The following SH3D19 variants were observed in gnomAD, a reference collection of about 807,000 sequenced individuals.
The protein encoded by SH3D19 is SH3 domain containing 19.
In SH3D19, 58 loss-of-function variants were observed where a neutral mutation model predicts 112.1. The ratio of observed to expected loss-of-function variants is 0.52; its 90% CI spans 0.42 to 0.64. The LOEUF (loss-of-function observed/expected upper bound fraction) is 0.64. Ranked by LOEUF, SH3D19 falls within the 30% of genes least tolerant of loss-of-function variation. The probability of loss-of-function intolerance (pLI) is 0.00; values close to 1 mark genes in which losing one functional copy is unlikely to be tolerated. For missense variants in SH3D19, 1,090 were observed against 1,263.4 expected, an observed-to-expected ratio of 0.86 and a Z score of 2.08; for synonymous variants, 391 against 448.5, an observed-to-expected ratio of 0.87 and a Z score of 1.62.
chr4:151,247,511 T>C (rs115278367), intron 1 of SH3D19, among the ~76,000 whole-genome samples: 1 of 152,344 alleles, frequency 6.6e-6, no homozygotes, highest in African/African-American at 2.4e-5. Context: ...GATTCTTACA[T>C]ATAATTTATA....
At chr4:151,131,900 C>G (rs1750808465) in intron 17 of SH3D19, among the ~76,000 whole-genome samples, 1 of 152,160 alleles carries the variant, frequency 6.6e-6, no homozygotes, top group South Asian at 2.1e-4. Context: ...TCTTGGCTCA[C>G]TGCAACCTCC....
chr4:151,276,025 T>C (rs940272229), intron 1 of SH3D19, among the ~76,000 whole-genome samples: 1 of 151,972 alleles, frequency 6.6e-6, no homozygotes, highest in South Asian at 2.1e-4. Context: ...GTATTTTTAG[T>C]AGAGACGGGA....
chr4:151,280,044 A>AG, intron 1 of SH3D19: 1 of 763,236 alleles, frequency 1.3e-6, no homozygotes. Flanking sequence ...GACAAATGAA[A>AG]GTGGTAAAAT....
intron 2 of SH3D19, among the ~76,000 whole-genome samples, chr4:151,194,620 T>C (rs1002038018): frequency 2.0e-5 from 3 of 151,472 alleles, no homozygotes; most frequent in African/African-American, 7.3e-5. Context: ...TTCACCATGT[T>C]GGCCAGGCTG....
intron 1 of SH3D19, among the ~76,000 whole-genome samples, chr4:151,239,561 T>G (rs1270345028): frequency 1.3e-5 from 2 of 152,162 alleles, no homozygotes; most frequent in Admixed American, 1.3e-4. Context: ...ATTCATGTAA[T>G]GAAAAATGTA....
At chr4:151,215,032 G>A (rs1039884878) in intron 2 of SH3D19, among the ~76,000 whole-genome samples, 2 of 146,144 alleles carry the variant, frequency 1.4e-5, no homozygotes, top group Non-Finnish European at 3.0e-5. Context: ...CATCCCAGAC[G>A]GGGCGGCGGG....
At chr4:151,267,085 G>A (rs941378182) in intron 1 of SH3D19, among the ~76,000 whole-genome samples, 2 of 151,654 alleles carry the variant, frequency 1.3e-5, no homozygotes, top group South Asian at 2.1e-4. Flanking sequence ...TCTGGAGGCC[G>A]AGGTGGAAGG....
intron 1 of SH3D19, among the ~76,000 whole-genome samples, chr4:151,265,318 G>A (rs1286844693): frequency 1.3e-5 from 2 of 149,472 alleles, no homozygotes; most frequent in African/African-American, 2.5e-5. Context: ...CAAAAGAAAA[G>A]GTAAACTCAC....
intron 2 of SH3D19, among the ~76,000 whole-genome samples, chr4:151,196,085 G>A (rs1763420965): frequency 6.6e-6 from 1 of 152,168 alleles, no homozygotes; most frequent in South Asian, 2.1e-4. Context: ...ACTGGCAGGG[G>A]ACACTGCCTG....
At chr4:151,185,622 C>T (rs1580022772) in intron 3 of SH3D19, among the ~76,000 whole-genome samples, 1 of 152,194 alleles carries the variant, frequency 6.6e-6, no homozygotes. Flanking sequence ...CCATAGCATT[C>T]CCACATATTT....
At chr4:151,231,096 T>C (rs1355811002) in intron 1 of SH3D19, among the ~76,000 whole-genome samples, 1 of 152,176 alleles carries the variant, frequency 6.6e-6, no homozygotes, top group Non-Finnish European at 1.5e-5. Context: ...GAAAACAAAT[T>C]ATTTGCAGCA....
intron 3 of SH3D19, among the ~76,000 whole-genome samples, chr4:151,185,953 T>C (rs1761703953): frequency 1.3e-5 from 2 of 152,156 alleles, no homozygotes; most frequent in African/African-American, 4.8e-5. Context: ...GGCAGGAGAA[T>C]TGCTTGAGCC....
At chr4:151,132,047 C>T (rs989869616) in intron 17 of SH3D19, among the ~76,000 whole-genome samples, 5 of 151,876 alleles carry the variant, frequency 3.3e-5, no homozygotes, top group African/African-American at 1.2e-4. Context: ...TGGTCTCGAA[C>T]TCCTAACCTC....
intron 2 of SH3D19, among the ~76,000 whole-genome samples, chr4:151,212,999 T>A (rs1018811348): frequency 3.3e-5 from 5 of 152,174 alleles, no homozygotes; most frequent in African/African-American, 9.6e-5. Flanking sequence ...AGGAAGTAAC[T>A]GCAGATATAG....
In SH3D19 at chr4:151,315,627, T is replaced by C. The variant is rs1251423188; in HGVS notation, c.112+9614A>G. On this transcript the variant is annotated intron_variant, in intron 1 of 19. Coordinates refer to ENST00000604030, the MANE Select transcript of SH3D19 (RefSeq NM_001378122.1). ...GGGCCTAGAGACAATCCTAATCAGA[T>C]CTTTGGAGAGACCAAACAAACTAAG... Among the ~76,000 whole-genome samples the C allele has an allele frequency of 6.6e-5, 10 of 152,266 alleles. No individual in the cohort carries two copies. The East Asian group carries it at 1.2e-3, about 18-fold the overall frequency.
intron 1 of SH3D19, among the ~76,000 whole-genome samples, chr4:151,237,407 C>A (rs145876266): frequency 1.8e-4 from 28 of 152,292 alleles, no homozygotes; most frequent in African/African-American, 6.0e-4. Context: ...AGAAGGTCAG[C>A]ACCAATTGCT....
intron 1 of SH3D19, among the ~76,000 whole-genome samples, chr4:151,314,451 T>G (rs1463437784): frequency 1.3e-5 from 2 of 152,154 alleles, no homozygotes; most frequent in Non-Finnish European, 2.9e-5. Flanking sequence ...CATGAATAAT[T>G]CCTATTCCAA....
intron 1 of SH3D19, among the ~76,000 whole-genome samples, chr4:151,309,840 A>G (rs1729268348): frequency 6.6e-6 from 1 of 151,982 alleles, no homozygotes; most frequent in Non-Finnish European, 1.5e-5. Context: ...AAATTTAAAA[A>G]TTGGCTGGGT....
chr4:151,277,309 C>A, intron 1 of SH3D19: 7 of 1,105,408 alleles, frequency 6.3e-6, no homozygotes, highest in South Asian at 2.5e-5. Flanking sequence ...GACACTTCAC[C>A]CATGGGATGT....
Sources: gnomAD v4.1 joint callset for allele counts (sites outside exome capture counted in the v4.1 genomes callset) on GRCh38, gnomAD v4.1.1 for gene constraint, MANE v1.5 for transcripts, NCBI Gene and HGNC (gene_info 2026-07-23, HGNC 2026-07-21) for gene names.